Variants in SOD2 observed in about 807,000 individuals in gnomAD.
SOD2 encodes the protein superoxide dismutase [Mn], mitochondrial.
A neutral mutation model predicts 27.0 loss-of-function variants in SOD2; 11 were observed. The ratio of observed to expected loss-of-function variants is 0.41; its 90% confidence interval spans 0.26 to 0.67. The LOEUF (loss-of-function observed/expected upper bound fraction) is 0.67. Ranked by LOEUF, SOD2 falls within the 30% of genes least tolerant of loss-of-function variation. The pLI, the probability that SOD2 is intolerant of heterozygous loss-of-function variation, is 0.34. For missense variants in SOD2, 250 were observed against 274.5 expected (o/e 0.91, Z 0.63); for synonymous variants, 105 against 103.0 (o/e 1.02, Z -0.12).
intron 1 of SOD2, among the ~76,000 whole-genome samples, chr6:159,709,831 G>A (rs576101997): frequency 6.6e-5 from 10 of 152,028 alleles, no homozygotes; most frequent in South Asian, 2.1e-4. Flanking sequence ...TGTTTATTGC[G>A]GCACTACTCA....
In SOD2 at chr6:159,674,382, A is replaced by T. The variant is rs868810003; in HGVS notation, c.*8111T>A. ...GGCAAACTGAATCCAGCAGCATATCAAAAAGCTTATCCACCATGATCAAGT... is the reference window on the plus strand; with the variant it reads ...GGCAAACTGAATCCAGCAGCATATCTAAAAGCTTATCCACCATGATCAAGT... On this transcript the variant is annotated 3_prime_UTR_variant, in exon 5 of 5. Transcript: ENST00000538183. 1 of 152,268 alleles carries T rather than the reference A, an allele frequency of 6.6e-6. No homozygotes were observed. The highest frequency in any genetic ancestry group is 2.4e-5 in the African/African-American group (1 of 41,464). The allele number at this position is 152,268 out of a possible 1,614,324, so 9.4% of individuals were successfully genotyped here. A position where few individuals can be genotyped will look rare whatever the true frequency, so the allele number is the denominator to read the frequency against.
At chr6:159,748,379 T>C (rs1779698125), upstream of SOD2, 1 of 1,613,412 alleles carries the variant, frequency 6.2e-7, no homozygotes, top group Non-Finnish European at 8.5e-7. The surrounding 1 kb of genome is among the most constrained non-coding windows in gnomAD (Gnocchi z 5.6). Context: ...GGTAAACAAA[T>C]CATACTCCCC....
At chr6:159,711,824 C>G (rs1368071226) in intron 1 of SOD2, among the ~76,000 whole-genome samples, 5 of 124,960 alleles carry the variant, frequency 4.0e-5, no homozygotes, top group South Asian at 5.7e-4. Flanking sequence ...CCATAACCAC[C>G]ACTCAGCTGC....
At chr6:159,730,644 T>G (rs1456882916), upstream of SOD2, among the ~76,000 whole-genome samples, 2 of 152,246 alleles carry the variant, frequency 1.3e-5, no homozygotes, top group African/African-American at 2.4e-5. Flanking sequence ...AAGGAAAGAT[T>G]TACTTTTCAT....
intron 1 of SOD2, among the ~76,000 whole-genome samples, chr6:159,702,676 A>AAAG (rs1554260555): frequency 4.2e-5 from 6 of 143,134 alleles, no homozygotes; most frequent in East Asian, 2.1e-4. Context: ...AAAAAAAAAA[A>AAAG]AAAGAAAGAA....
chr6:159,689,356 C>T (rs1006838595), intron 2 of SOD2, among the ~76,000 whole-genome samples: 6 of 152,184 alleles, frequency 3.9e-5, no homozygotes, highest in Non-Finnish European at 8.8e-5. Context: ...CTCCCTGCCA[C>T]CCCTCCCAGA....
intron 1 of SOD2, among the ~76,000 whole-genome samples, chr6:159,711,906 C>T (rs867226636): frequency 4.6e-5 from 6 of 130,128 alleles, no homozygotes; most frequent in Non-Finnish European, 8.5e-5. Context: ...ACTCACATTG[C>T]TCTGATCACC....
rs1779757352 is a variant in SOD2 at position 159,675,447 on chromosome 6, A to C, written c.*7046T>G. The C allele has an allele frequency of 6.6e-6, 1 of 152,162 alleles. No individual in the cohort carries two copies. The highest frequency in any genetic ancestry group is 2.1e-4 in the South Asian group (1 of 4,832). The allele number at this position is 152,162 out of a possible 1,614,324, so 9.4% of individuals were successfully genotyped here. ...AGAGCCCTCAGAAATAATACCACAC[A>C]TCTACAACTATCTGATCTTTGAGAA... On this transcript the variant is annotated 3_prime_UTR_variant, in exon 5 of 5. Transcript: ENST00000538183.
chr6:159,693,243 C>A (rs1217946842), upstream of SOD2: 6 of 1,390,662 alleles, frequency 4.3e-6, no homozygotes, highest in African/African-American at 6.0e-5. Flanking sequence ...GCCACGAGTG[C>A]CGCTCCTGCG....
chr6:159,696,664 C>G (rs1562430075), upstream of SOD2, among the ~76,000 whole-genome samples: 1 of 152,138 alleles, frequency 6.6e-6, no homozygotes, highest in Non-Finnish European at 1.5e-5. Context: ...ATTCATCCAA[C>G]AAATTCCACT....
At chr6:159,721,302 C>T (rs1778035853) in intron 1 of SOD2, among the ~76,000 whole-genome samples, 1 of 151,880 alleles carries the variant, frequency 6.6e-6, no homozygotes, top group African/African-American at 2.4e-5. Context: ...CTCCTGACCT[C>T]GTGATCTGCC....
chr6:159,700,870 T>C (rs1777512328), intron 1 of SOD2, among the ~76,000 whole-genome samples: 1 of 152,114 alleles, frequency 6.6e-6, no homozygotes, highest in Non-Finnish European at 1.5e-5. Context: ...TGATTTTCAT[T>C]TAGGTTCAGT....
At position 159,674,548 on chromosome 6, in the gene SOD2, C is replaced by G. The variant is rs533642774; in HGVS notation, c.*7945G>C. 76 of 152,274 alleles carry G rather than the reference C, an allele frequency of 5.0e-4. No individual in the cohort carries two copies. Among genetic ancestry groups the G allele is most frequent in the African/African-American group, 1.7e-3 (69 of 41,564 alleles). The allele number at this position is 152,274 out of a possible 1,614,324, so 9.4% of individuals were successfully genotyped here. ...AAGGCCTTGGACAAAATTCAACAGC[C>G]CTTCATGCTAAAAACTCTCAATGAA... On this transcript the variant is annotated 3_prime_UTR_variant, in exon 5 of 5. Transcript: ENST00000538183.
intron 1 of SOD2, chr6:159,736,356 G>T: frequency 7.5e-7 from 1 of 1,337,810 alleles, no homozygotes; most frequent in Non-Finnish European, 1.1e-6. Flanking sequence ...GCTTTTTTAA[G>T]CACTTTAAAA....
At chr6:159,758,641 T>G (rs183494438) in intron 1 of SOD2, among the ~76,000 whole-genome samples, 260 of 152,300 alleles carry the variant, frequency 1.7e-3, no homozygotes, top group Admixed American at 5.1e-3. Flanking sequence ...GGTAATGTCA[T>G]TAACTGATCT....
At chr6:159,750,462 CG>C (rs1779777762) in intron 1 of SOD2, among the ~76,000 whole-genome samples, 2 of 152,090 alleles carry the variant, frequency 1.3e-5, no homozygotes, top group African/African-American at 4.8e-5. Context: ...GTGTCACTCC[CG>C]GATGTGACCT....
rs1163525510 is a variant in SOD2 at position 159,670,568 on chromosome 6, AG to A, written c.*11924del. The A allele has an allele frequency of 2.0e-5, 3 of 152,314 alleles. No homozygotes were observed. The highest frequency in any genetic ancestry group is 2.9e-5 in the Non-Finnish European group (2 of 68,124). The allele number at this position is 152,314 out of a possible 1,614,324, so 9.4% of individuals were successfully genotyped here. A position where few individuals can be genotyped will look rare whatever the true frequency, so the allele number is the denominator to read the frequency against. ...ATATCCATTTATCCTCTATAATCAT[AG>A]TCAATACACAGAGAAAACCAAAAAA... On this transcript the variant is annotated 3_prime_UTR_variant, in exon 5 of 5. Transcript: ENST00000538183.
intron 1 of SOD2, among the ~76,000 whole-genome samples, chr6:159,740,659 A>G (rs1779196912): frequency 6.6e-6 from 1 of 151,552 alleles, no homozygotes; most frequent in African/African-American, 2.4e-5. Context: ...TTACATAGAA[A>G]GTGGATTAGT....
At chr6:159,752,062 C>CAA (rs60854821) in intron 1 of SOD2, among the ~76,000 whole-genome samples, 26 of 94,996 alleles carry the variant, frequency 2.7e-4, no homozygotes, top group African/African-American at 1.2e-4. Flanking sequence ...ACCCCCATCT[C>CAA]AAAAAAAAAA....
Sources: allele counts gnomAD v4.1 joint callset (sites outside exome capture counted in the v4.1 genomes callset), GRCh38; gene constraint gnomAD v4.1.1; non-coding constraint Gnocchi (gnomAD v3.1); transcripts MANE v1.5; gene names NCBI Gene and HGNC (gene_info 2026-07-23, HGNC 2026-07-21).